PTPRM: variants seen among roughly 807,000 people sequenced by gnomAD.
PTPRM encodes protein tyrosine phosphatase receptor type M.
Under a neutral mutation model 186.7 loss-of-function variants are expected in PTPRM, and 47 were observed. The ratio of observed to expected loss-of-function variants is 0.25; its 90% CI spans 0.20 to 0.32. PTPRM has a LOEUF of 0.32. Ranked by LOEUF, PTPRM falls within the 10% of genes least tolerant of loss-of-function variation. PTPRM has a pLI of 1.00. For missense variants in PTPRM, 1,494 were observed against 1,865.0 expected (o/e 0.80, Z 3.66); for synonymous variants, 668 against 674.9 (o/e 0.99, Z 0.16).
intron 1 of PTPRM, among the ~76,000 whole-genome samples, chr18:7,679,719 T>C (rs775407546): frequency 7.9e-5 from 12 of 152,048 alleles, no homozygotes; most frequent in Non-Finnish European, 1.5e-4. Flanking sequence ...TTCTCAGAGA[T>C]CTATATGTAA....
intron 2 of PTPRM, among the ~76,000 whole-genome samples, chr18:7,816,889 A>G (rs1311411486): frequency 6.6e-6 from 1 of 152,222 alleles, no homozygotes; most frequent in Non-Finnish European, 1.5e-5. Flanking sequence ...CGGATAAATA[A>G]TAGTTAAGCA....
chr18:7,688,842 G>A (rs1489553775), intron 1 of PTPRM, among the ~76,000 whole-genome samples: 3 of 152,156 alleles, frequency 2.0e-5, no homozygotes, highest in Admixed American at 1.3e-4. Flanking sequence ...GCTGCTGTCT[G>A]GATATCCCTT....
chr18:7,732,516 T>G (rs1267377022), intron 1 of PTPRM, among the ~76,000 whole-genome samples: 1 of 152,154 alleles, frequency 6.6e-6, no homozygotes, highest in African/African-American at 2.4e-5. Flanking sequence ...AATATTACTT[T>G]TTTTAGAGAC....
At chr18:8,323,076 A>T (rs2095355406) in intron 22 of PTPRM, among the ~76,000 whole-genome samples, 2 of 152,008 alleles carry the variant, frequency 1.3e-5, no homozygotes, top group African/African-American at 2.4e-5. Flanking sequence ...GGAGCCTCCC[A>T]CCGTGGCCTC....
Position 8,379,121 on chromosome 18 carries a change from G to A in PTPRM, c.3613-46G>A, listed in dbSNP as rs780986384. 4.7e-5 allele frequency: 71 copies of A among 1,501,078 alleles called. No homozygotes were observed. In the Admixed American group the frequency reaches 5.1e-4, roughly 11 times the overall value. The allele number at this position is 1,501,078 out of a possible 1,614,324, so 93.0% of individuals were successfully genotyped here. On this transcript the variant is annotated intron_variant, in intron 27 of 32. Transcript: ENST00000580170. ...CGAAAACTGCACGTGAGAGGAGTCC[G>A]CTGCCAAGGCTTCTTGTCCTCATGT...
At chr18:7,984,874 CATATAATTATATAT>C (rs2082784506) in intron 7 of PTPRM, among the ~76,000 whole-genome samples, 1 of 123,480 alleles carries the variant, frequency 8.1e-6, no homozygotes, top group Non-Finnish European at 1.6e-5. Flanking sequence ...TAAATATATA[CATATAATTATATAT>C]ACATATATAA....
Position 7,698,590 on chromosome 18 carries a change from T to A in PTPRM, c.74-75559T>A, listed in dbSNP as rs79487329. On this transcript the variant is annotated intron_variant, in intron 1 of 32. Transcript: ENST00000580170. The stretch of plus-strand genomic sequence containing the variant: ...TTACTGTATCAGGCTTCTAAGATCT[T>A]AGTGCCATCTTTATTTTCTGAGTAT... Among the ~76,000 whole-genome samples, 2,021 of 152,326 alleles carry A rather than the reference T, an allele frequency of 0.013. 124 individuals carry two copies. The East Asian group carries it at 0.21, about 16-fold the overall frequency.
rs199654722 is a variant in PTPRM, at chr18:8,113,572, A to G, written c.1943A>G (p.His648Arg). The G allele has an allele frequency of 4.6e-5, 74 of 1,614,126 alleles. No homozygotes were observed. Among genetic ancestry groups the G allele is most frequent in the Non-Finnish European group, 5.7e-5 (67 of 1,179,962 alleles). ...EILKCYPVPI[H>R]FQNASLLNSQ... is the part of the protein sequence containing the mutation. ...TTAAAGTGCTACCCAGTGCCAATTC[A>G]CTTCCAGAATGCTTCTCTGCTGAAC... Residue 648 changes from histidine (H) to arginine (R), a missense_variant, in exon 12 of 33, where the codon CAC (histidine) becomes CGC (arginine). Transcript: ENST00000580170.
intron 2 of PTPRM, among the ~76,000 whole-genome samples, chr18:7,855,766 G>C (rs1018657220): frequency 6.6e-6 from 1 of 152,170 alleles, no homozygotes; most frequent in Admixed American, 6.5e-5. Flanking sequence ...AGAAGACACT[G>C]TTTCCTCTGG....
At chr18:7,647,031 C>A (rs749758368) in intron 1 of PTPRM, among the ~76,000 whole-genome samples, 2 of 152,082 alleles carry the variant, frequency 1.3e-5, no homozygotes, top group East Asian at 3.9e-4. Context: ...ATTCGGAGGC[C>A]ACCACAGGCC....
Position 8,171,771 on chromosome 18 carries a change from G to T in PTPRM, c.2300+27992G>T, listed in dbSNP as rs760581180. On this transcript the variant is annotated intron_variant, in intron 14 of 32. Coordinates refer to ENST00000580170, the MANE Select transcript of PTPRM (RefSeq NM_001105244.2). ...GGACTTTTGATAGGATTATGGTCCA[G>T]TCAACCCATCATAAGTAAGAAATGC... Among the ~76,000 whole-genome samples, 46 of 152,230 alleles carry T rather than the reference G, an allele frequency of 3.0e-4. 1 individual carries two copies. Among genetic ancestry groups the T allele is most frequent in the South Asian group, 1.5e-3 (7 of 4,826 alleles).
At chr18:7,641,629 T>C (rs1401192351) in intron 1 of PTPRM, among the ~76,000 whole-genome samples, 1 of 152,204 alleles carries the variant, frequency 6.6e-6, no homozygotes, top group Non-Finnish European at 1.5e-5. Flanking sequence ...ATAACTGCAA[T>C]CACTAACCTT....
intron 1 of PTPRM, among the ~76,000 whole-genome samples, chr18:7,585,986 C>T (rs1448284776): frequency 6.6e-6 from 1 of 152,168 alleles, no homozygotes; most frequent in Non-Finnish European, 1.5e-5. Flanking sequence ...AATTTCTAGG[C>T]ATTGTCTTAA....
intron 32 of PTPRM, among the ~76,000 whole-genome samples, chr18:8,401,471 C>T (rs57117653): frequency 0.068 from 10,309 of 152,200 alleles, 704 homozygotes; most frequent in East Asian, 0.28. Context: ...ATAGGGCCCA[C>T]GCTGCCCTTC....
chr18:7,676,904 C>T (rs1287669710), intron 1 of PTPRM, among the ~76,000 whole-genome samples: 1 of 152,136 alleles, frequency 6.6e-6, no homozygotes, highest in African/African-American at 2.4e-5. Flanking sequence ...GCTTATATGT[C>T]TCTGAACTGA....
intron 1 of PTPRM, among the ~76,000 whole-genome samples, chr18:7,598,215 T>A (rs921922910): frequency 1.3e-5 from 2 of 152,212 alleles, no homozygotes; most frequent in African/African-American, 4.8e-5. Context: ...ACCCAGGAAA[T>A]CTTTGGTTTC....
intron 1 of PTPRM, 38 bp from the exon 2 acceptor site, chr18:7,774,111 T>C (rs369097976): frequency 1.1e-5 from 17 of 1,579,278 alleles, no homozygotes; most frequent in African/African-American, 1.3e-5. Context: ...AGAGGTCTGG[T>C]TGGTATTTAC....
intron 8 of PTPRM, among the ~76,000 whole-genome samples, chr18:8,070,756 A>G (rs1342883800): frequency 6.6e-6 from 1 of 152,238 alleles, no homozygotes; most frequent in African/African-American, 2.4e-5. Context: ...GTAGTATATC[A>G]TAAATTTGAC....
chr18:8,156,066 T>G, intron 14 of PTPRM, among the ~76,000 whole-genome samples: 1 of 152,176 alleles, frequency 6.6e-6, no homozygotes, highest in Non-Finnish European at 1.5e-5. Context: ...ATGTTTTATC[T>G]CAGTCTATCA....
Sources: gnomAD v4.1 joint callset for allele counts (sites outside exome capture counted in the v4.1 genomes callset) on GRCh38, gnomAD v4.1.1 for gene constraint, MANE v1.5 for transcripts, NCBI Gene and HGNC (gene_info 2026-07-23, HGNC 2026-07-21) for gene names.